The following CDKAL1 variants were observed in gnomAD, a reference collection of about 807,000 sequenced individuals.
CDKAL1 encodes the protein CDKAL1 threonylcarbamoyladenosine tRNA methylthiotransferase.
A neutral mutation model predicts 68.2 loss-of-function variants in CDKAL1; 32 were observed. The ratio of observed to expected loss-of-function variants is 0.47; its 90% confidence interval spans 0.35 to 0.63. The LOEUF is 0.63. Among genes scored for constraint, CDKAL1 ranks in the 30% least tolerant of loss-of-function variants. The probability of loss-of-function intolerance (pLI) is 0.00; values close to 1 mark genes in which losing one functional copy is unlikely to be tolerated. For synonymous variants in CDKAL1, 234 were observed against 244.3 expected (o/e 0.96, Z 0.39); for missense variants, 606 against 696.7 (o/e 0.87, Z 1.47).
chr6:21,187,529 C>A (rs563737100), intron 13 of CDKAL1, among the ~76,000 whole-genome samples: 1 of 152,158 alleles, frequency 6.6e-6, no homozygotes, highest in Non-Finnish European at 1.5e-5. Flanking sequence ...CATACCACAC[C>A]CACACCTTTT....
At chr6:20,662,288 C>T (rs1383129375) in intron 5 of CDKAL1, among the ~76,000 whole-genome samples, 1 of 152,000 alleles carries the variant, frequency 6.6e-6, no homozygotes, top group Admixed American at 6.6e-5. Flanking sequence ...ACTTAGGTGT[C>T]GTTCTCTGGG....
chr6:21,088,909 C>A (rs2150966448), intron 12 of CDKAL1, among the ~76,000 whole-genome samples: 1 of 152,128 alleles, frequency 6.6e-6, no homozygotes, highest in South Asian at 2.1e-4. Context: ...GCCACTGCAC[C>A]CCTGCCTGGG....
rs1427893895 is a variant in CDKAL1 at position 20,689,261 on chromosome 6, C to T, written c.371+39884C>T. On this transcript the variant is annotated intron_variant, in intron 5 of 15. Transcript: ENST00000274695. ...TAAAAATTCACGCAAGTATGGGGCCCCAGTGACTGAGTCATCCTGGAGTTT... is the reference window on the plus strand; with the variant it reads ...TAAAAATTCACGCAAGTATGGGGCCTCAGTGACTGAGTCATCCTGGAGTTT... 2.6e-5 allele frequency among the ~76,000 whole-genome samples: 4 copies of T among 152,272 alleles called. No homozygotes were observed. In the Middle Eastern group the frequency reaches 0.014, roughly 521 times the overall value.
chr6:20,908,089 A>T (rs1415952799), intron 9 of CDKAL1, among the ~76,000 whole-genome samples: 3 of 152,208 alleles, frequency 2.0e-5, no homozygotes, highest in Non-Finnish European at 4.4e-5. Context: ...GAACCTTACC[A>T]GCGAAGGGCC....
intron 4 of CDKAL1, among the ~76,000 whole-genome samples, chr6:20,606,498 C>T (rs1372775407): frequency 1.3e-5 from 2 of 151,924 alleles, no homozygotes; most frequent in Non-Finnish European, 2.9e-5. Context: ...TTGAGAAGTC[C>T]GGGAGTAGAG....
At chr6:20,976,573 C>T (rs1040810121) in intron 10 of CDKAL1, among the ~76,000 whole-genome samples, 1 of 152,124 alleles carries the variant, frequency 6.6e-6, no homozygotes, top group Admixed American at 6.5e-5. Flanking sequence ...GCACAATGAG[C>T]CTTTACAAAT....
intron 15 of CDKAL1, among the ~76,000 whole-genome samples, chr6:21,221,865 G>A (rs1236215480): frequency 1.3e-5 from 2 of 152,154 alleles, no homozygotes; most frequent in African/African-American, 2.4e-5. Context: ...ATGAAATGCG[G>A]GCTTACAGAG....
chr6:20,868,026 C>T (rs1187689920), intron 9 of CDKAL1, among the ~76,000 whole-genome samples: 4 of 146,406 alleles, frequency 2.7e-5, no homozygotes, highest in Non-Finnish European at 6.0e-5. Context: ...CAAATTTGTC[C>T]TTTCTTTTGA....
At chr6:21,046,425 C>T (rs1424338300) in intron 11 of CDKAL1, among the ~76,000 whole-genome samples, 1 of 152,204 alleles carries the variant, frequency 6.6e-6, no homozygotes, top group South Asian at 2.1e-4. Context: ...GGGTAGTGGG[C>T]TCCCTTGGAG....
intron 5 of CDKAL1, among the ~76,000 whole-genome samples, chr6:20,679,866 T>C (rs1770295171): frequency 6.6e-6 from 1 of 152,164 alleles, no homozygotes; most frequent in South Asian, 2.1e-4. Context: ...AGTTGACTGT[T>C]CCAAGTAAAT....
At chr6:20,724,925 C>T (rs1287871667) in intron 5 of CDKAL1, among the ~76,000 whole-genome samples, 1 of 152,230 alleles carries the variant, frequency 6.6e-6, no homozygotes, top group Non-Finnish European at 1.5e-5. Context: ...TAAATTTCTT[C>T]CTTCCCTACC....
chr6:20,999,072 A>C (rs1293283661), intron 10 of CDKAL1, among the ~76,000 whole-genome samples: 1 of 152,142 alleles, frequency 6.6e-6, no homozygotes, highest in African/African-American at 2.4e-5. Context: ...ATATTTTTTG[A>C]AGGATGAAAT....
At chr6:20,851,363 G>A (rs1184843421) in intron 9 of CDKAL1, among the ~76,000 whole-genome samples, 2 of 152,152 alleles carry the variant, frequency 1.3e-5, no homozygotes, top group East Asian at 3.9e-4. Context: ...TAGGATATTT[G>A]TATTGATTTT....
intron 5 of CDKAL1, among the ~76,000 whole-genome samples, chr6:20,706,789 G>A (rs1771616816): frequency 6.6e-6 from 1 of 152,112 alleles, no homozygotes; most frequent in East Asian, 1.9e-4. Context: ...TAAAGTACTT[G>A]GAAGACAGTT....
intron 4 of CDKAL1, among the ~76,000 whole-genome samples, chr6:20,587,969 C>T (rs1765444991): frequency 6.6e-6 from 1 of 152,012 alleles, no homozygotes; most frequent in Admixed American, 6.6e-5. Flanking sequence ...TGGTGGCATG[C>T]ACCTATGGTC....
chr6:20,907,712 G>A (rs1762293791), intron 9 of CDKAL1, among the ~76,000 whole-genome samples: 1 of 152,164 alleles, frequency 6.6e-6, no homozygotes, highest in South Asian at 2.1e-4. Flanking sequence ...GGCCAATGGG[G>A]AGTTGGGGCA....
intron 13 of CDKAL1, among the ~76,000 whole-genome samples, chr6:21,180,094 G>A (rs1318096495): frequency 6.6e-6 from 1 of 152,154 alleles, no homozygotes; most frequent in South Asian, 2.1e-4. Context: ...CAACCCAAAG[G>A]GCATTGGTTT....
intron 10 of CDKAL1, among the ~76,000 whole-genome samples, chr6:20,972,795 C>G (rs1765659766): frequency 6.6e-6 from 1 of 152,184 alleles, no homozygotes; most frequent in Non-Finnish European, 1.5e-5. Context: ...CAGGGCCAGT[C>G]TTTGACATGG....
intron 9 of CDKAL1, among the ~76,000 whole-genome samples, chr6:20,850,672 A>G (rs1221966941): frequency 2.6e-5 from 4 of 152,214 alleles, no homozygotes; most frequent in South Asian, 2.1e-4. Flanking sequence ...TCCTGGCCTC[A>G]AGTGATCTGC....
Sources: allele counts gnomAD v4.1 joint callset (sites outside exome capture counted in the v4.1 genomes callset), GRCh38; gene constraint gnomAD v4.1.1; transcripts MANE v1.5; gene names NCBI Gene and HGNC (gene_info 2026-07-23, HGNC 2026-07-21).